Variants in RAPH1 observed in about 807,000 individuals in gnomAD.
The protein encoded by RAPH1 is Ras association (RalGDS/AF-6) and pleckstrin homology domains 1.
A neutral mutation model predicts 88.1 loss-of-function variants in RAPH1; 18 were observed. The ratio of observed to expected loss-of-function variants is 0.20; its 90% CI spans 0.14 to 0.30. RAPH1 has a LOEUF of 0.30. Among genes scored for constraint, RAPH1 ranks in the 10% least tolerant of loss-of-function variants. The probability of loss-of-function intolerance (pLI) is 1.00; values close to 1 mark genes in which losing one functional copy is unlikely to be tolerated. For synonymous variants in RAPH1, 587 were observed against 559.0 expected (o/e 1.05, Z -0.71); for missense variants, 1,448 against 1,543.2 (o/e 0.94, Z 1.03).
chr2:203,532,435 G>T (rs1158396338), intron 1 of RAPH1, among the ~76,000 whole-genome samples: 1 of 152,164 alleles, frequency 6.6e-6, no homozygotes, highest in Admixed American at 6.5e-5. Flanking sequence ...CTTTCAAAGA[G>T]TATATGTGTG....
chr2:203,464,258 G>A (rs2098526649), intron 4 of RAPH1, among the ~76,000 whole-genome samples: 1 of 152,100 alleles, frequency 6.6e-6, no homozygotes, highest in Non-Finnish European at 1.5e-5. Context: ...TTGTATATTT[G>A]GAATATAAAC....
At chr2:203,514,558 T>G (rs985355313) in intron 1 of RAPH1, among the ~76,000 whole-genome samples, 3 of 151,508 alleles carry the variant, frequency 2.0e-5, no homozygotes, top group African/African-American at 4.9e-5. Flanking sequence ...ATTTGTGGGG[T>G]TTTTTTGTTT....
In RAPH1 at chr2:203,479,597, G is replaced by C. The variant is rs547069167; in HGVS notation, c.732+9987C>G. Among the ~76,000 whole-genome samples the C allele has an allele frequency of 2.1e-3, 285 of 137,362 alleles. 2 individuals carry two copies. The highest frequency in any genetic ancestry group is 2.9e-3 in the Non-Finnish European group (189 of 65,216). The allele number at this position is 137,362 out of a possible 152,430, so 90.1% of individuals were successfully genotyped here. A position where few individuals can be genotyped will look rare whatever the true frequency, so the allele number is the denominator to read the frequency against. On this transcript the variant is annotated intron_variant, in intron 4 of 13. Transcript: ENST00000319170. The stretch of plus-strand genomic sequence containing the variant: ...TATTCCAGCCTGAGCAACAGAGCAA[G>C]ACTGACTCAAAAAAAAAAAAAAAAA...
At chr2:203,457,312 G>A (rs1287546998) in intron 8 of RAPH1, among the ~76,000 whole-genome samples, 3 of 151,708 alleles carry the variant, frequency 2.0e-5, no homozygotes, top group Non-Finnish European at 2.9e-5. Context: ...TCAGCCTCCC[G>A]AGTAGCTGGG....
At chr2:203,472,671 G>T (rs2098534220) in intron 4 of RAPH1, among the ~76,000 whole-genome samples, 1 of 152,080 alleles carries the variant, frequency 6.6e-6, no homozygotes, top group Non-Finnish European at 1.5e-5. Flanking sequence ...CAAGTGAGTA[G>T]ATTATCTATA....
intron 1 of RAPH1, among the ~76,000 whole-genome samples, chr2:203,499,261 C>A (rs1688639325): frequency 6.6e-6 from 1 of 152,022 alleles, no homozygotes; most frequent in African/African-American, 2.4e-5. Flanking sequence ...ACTACTACTG[C>A]CGACTTAAGG....
chr2:203,491,640 TG>T (rs1474580662), intron 2 of RAPH1, among the ~76,000 whole-genome samples: 1 of 152,118 alleles, frequency 6.6e-6, no homozygotes, highest in East Asian at 1.9e-4. Flanking sequence ...CCCGAGTAGT[TG>T]GGACCATAGG....
In RAPH1 at chr2:203,437,484, T is replaced by A. The variant is rs966384818; in HGVS notation, c.*1953A>T. On this transcript the variant is annotated 3_prime_UTR_variant, in exon 14 of 14. Transcript: ENST00000319170. ...CAAACATTACCCAAATTTCTGTGCA[T>A]GCTTAAATTAACAATGCAGATGTGT... The A allele has an allele frequency of 3.9e-5, 6 of 152,234 alleles. No individual in the cohort carries two copies. Among genetic ancestry groups the A allele is most frequent in the African/African-American group, 1.4e-4 (6 of 41,460 alleles). 9.4% of individuals were successfully genotyped at this position (152,234 alleles called of 1,614,324 possible).
At chr2:203,461,216 T>A (rs2098523965) in intron 6 of RAPH1, 33 bp downstream of exon 6, 1 of 1,421,512 alleles carries the variant, frequency 7.0e-7, no homozygotes, top group East Asian at 2.5e-5. Flanking sequence ...TACACAAAAA[T>A]TAGAAAGCAA....
intron 7 of RAPH1, among the ~76,000 whole-genome samples, chr2:203,458,325 G>A (rs1296772924): frequency 6.6e-6 from 1 of 151,942 alleles, no homozygotes; most frequent in Non-Finnish European, 1.5e-5. Context: ...TCACGCCACT[G>A]ACTCCAGCCT....
chr2:203,528,804 T>G (rs886766729), intron 1 of RAPH1, among the ~76,000 whole-genome samples: 1 of 151,776 alleles, frequency 6.6e-6, no homozygotes, highest in Non-Finnish European at 1.5e-5. Flanking sequence ...CTGATTTCCT[T>G]TACCAGTTTC....
chr2:203,482,116 G>T (rs1011274503), intron 4 of RAPH1, among the ~76,000 whole-genome samples: 1 of 152,092 alleles, frequency 6.6e-6, no homozygotes. Context: ...ATGTTTGTGT[G>T]AATTAGGCTT....
intron 4 of RAPH1, among the ~76,000 whole-genome samples, chr2:203,473,116 G>A (rs563301007): frequency 6.9e-6 from 1 of 145,072 alleles, no homozygotes; most frequent in South Asian, 2.1e-4. Context: ...CAACAAACAT[G>A]TGGAAACCCG....
intron 13 of RAPH1, 109 bp downstream of exon 13, chr2:203,444,759 G>A (rs2098507934): frequency 1.1e-6 from 1 of 939,456 alleles, no homozygotes; most frequent in Non-Finnish European, 1.6e-6. Flanking sequence ...TAATAAAGGA[G>A]ACTGAAATAA....
chr2:203,526,588 G>A (rs1690127233), intron 1 of RAPH1, among the ~76,000 whole-genome samples: 1 of 151,608 alleles, frequency 6.6e-6, no homozygotes, highest in Non-Finnish European at 1.5e-5. Context: ...AGCCGGGTGT[G>A]GTGATGGGCA....
intron 1 of RAPH1, among the ~76,000 whole-genome samples, chr2:203,506,880 AGATATATATATATATATATTTT>A (rs1689103776): frequency 5.7e-5 from 5 of 87,290 alleles, no homozygotes; most frequent in African/African-American, 2.9e-4. Flanking sequence ...ATATATATAT[AGATATATATATATATATATTTT>A]TTTTTTTTTT....
intron 1 of RAPH1, among the ~76,000 whole-genome samples, chr2:203,506,856 C>CTATATATATATATATA: frequency 3.2e-5 from 1 of 30,782 alleles, no homozygotes; most frequent in East Asian, 6.7e-4. Context: ...CTATCTATAT[C>CTATATATATATATATA]TATATATATA....
chr2:203,491,175 A>C (rs1196225161), intron 3 of RAPH1, 39 bp downstream of exon 3: 1 of 1,381,620 alleles, frequency 7.2e-7, no homozygotes, highest in South Asian at 1.2e-5. Flanking sequence ...TGTGTGACTT[A>C]GCATACTATT....
chr2:203,457,444 G>A (rs955688237), intron 8 of RAPH1, 86 bp downstream of exon 8: 92 of 1,037,572 alleles, frequency 8.9e-5, no homozygotes, highest in East Asian at 5.7e-4. Context: ...TCAGCCTCCC[G>A]AAGTGTTGGG....
Sources: gnomAD v4.1 joint callset for allele counts (sites outside exome capture counted in the v4.1 genomes callset) on GRCh38, gnomAD v4.1.1 for gene constraint, MANE v1.5 for transcripts, NCBI Gene and HGNC (gene_info 2026-07-23, HGNC 2026-07-21) for gene names.